FUT8: variants seen among roughly 807,000 people sequenced by gnomAD.
FUT8 encodes the protein alpha-(1,6)-fucosyltransferase.
In FUT8, 29 loss-of-function variants were observed where a neutral mutation model predicts 71.3. The ratio of observed to expected loss-of-function variants is 0.41; its 90% CI spans 0.30 to 0.55. The LOEUF is 0.55. FUT8 is among the 20% of genes least tolerant of loss of function. The probability of loss-of-function intolerance (pLI) is 0.34; values close to 1 mark genes in which losing one functional copy is unlikely to be tolerated. For missense variants in FUT8, 544 were observed against 702.1 expected, an observed-to-expected ratio of 0.77 and a Z score of 2.55; for synonymous variants, 254 against 239.3, an observed-to-expected ratio of 1.06 and a Z score of -0.57.
At chr14:65,428,717 A>G (rs185942751) in intron 1 of FUT8, among the ~76,000 whole-genome samples, 13 of 150,930 alleles carry the variant, frequency 8.6e-5, no homozygotes, top group Non-Finnish European at 1.8e-4. Context: ...CTGAGTTAAT[A>G]AAGATTTTTG....
At chr14:65,372,072 A>G in the FUT8 span, among the ~76,000 whole-genome samples, 1 of 152,182 alleles carries the variant, frequency 6.6e-6, no homozygotes, top group African/African-American at 2.4e-5. Context: ...CTTCTCTGGC[A>G]GTAGAAAACT....
intron 2 of FUT8, among the ~76,000 whole-genome samples, chr14:65,478,022 A>C (rs1272585177): frequency 6.6e-6 from 1 of 152,192 alleles, no homozygotes; most frequent in Non-Finnish European, 1.5e-5. Flanking sequence ...TCTAGCTTCT[A>C]GAACCAGGTC....
In FUT8 at chr14:65,473,534, G is replaced by A. The variant is rs546601391; in HGVS notation, c.-228+17816G>A. Among the ~76,000 whole-genome samples, 80 of 152,258 alleles carry A rather than the reference G, an allele frequency of 5.3e-4. No homozygotes were observed. In the South Asian group the frequency reaches 8.3e-3, roughly 16 times the overall value. On this transcript the variant is annotated intron_variant, in intron 2 of 10. Transcript: ENST00000673929. The stretch of plus-strand genomic sequence containing the variant: ...TTATTCCCAAAAATTGTAGTTTTGT[G>A]ACTAGGTGATAAAAATGATCTCCTA...
chr14:65,670,543 C>T (rs1892425477), intron 7 of FUT8, among the ~76,000 whole-genome samples: 1 of 152,080 alleles, frequency 6.6e-6, no homozygotes, highest in Non-Finnish European at 1.5e-5. Flanking sequence ...AGACAGTACA[C>T]ATCCTCTGCA....
At position 65,500,086 on chromosome 14, in the gene FUT8, C is replaced by T. The variant is rs1397591994; in HGVS notation, c.-228+44368C>T. 6.6e-5 allele frequency among the ~76,000 whole-genome samples: 10 copies of T among 152,152 alleles called. No homozygotes were observed. The South Asian group carries it at 1.5e-3, about 22-fold the overall frequency. ...TGGGATTGTGTAGGGATCATAATAA[C>T]ATGTAGATTCTTATTCAGTAGTTTT... On this transcript the variant is annotated intron_variant, in intron 2 of 10. Transcript: ENST00000673929.
At chr14:65,531,216 A>T (rs1276255418) in intron 2 of FUT8, among the ~76,000 whole-genome samples, 2 of 152,018 alleles carry the variant, frequency 1.3e-5, no homozygotes, top group Non-Finnish European at 2.9e-5. Context: ...TACTCACGAA[A>T]GATTTAAATT....
intron 2 of FUT8, among the ~76,000 whole-genome samples, chr14:65,459,055 C>T (rs2065936041): frequency 6.6e-6 from 1 of 152,114 alleles, no homozygotes; most frequent in Non-Finnish European, 1.5e-5. Flanking sequence ...TCCTGAAGTG[C>T]TGGGATTATA....
chr14:65,590,181 G>T (rs1594794677), intron 3 of FUT8, among the ~76,000 whole-genome samples: 2 of 151,952 alleles, frequency 1.3e-5, no homozygotes, highest in Middle Eastern at 3.4e-3. Flanking sequence ...TCATAACCTT[G>T]CACAAAATAA....
At chr14:65,709,517 A>G (rs778141281) in intron 7 of FUT8, among the ~76,000 whole-genome samples, 6 of 152,196 alleles carry the variant, frequency 3.9e-5, no homozygotes, top group African/African-American at 7.2e-5. Context: ...GTTCTCTAAC[A>G]CTGGATAATT....
At chr14:65,370,132 A>G in the FUT8 span, among the ~76,000 whole-genome samples, 1 of 149,208 alleles carries the variant, frequency 6.7e-6, no homozygotes, top group Admixed American at 6.7e-5. Flanking sequence ...TCTCCCATTA[A>G]AAAAAAAAAG....
intron 10 of FUT8, among the ~76,000 whole-genome samples, chr14:65,737,890 G>C (rs1313733024): frequency 6.6e-6 from 1 of 151,968 alleles, no homozygotes; most frequent in East Asian, 1.9e-4. Flanking sequence ...CTTTGAATCA[G>C]ATTTTGGAAG....
At chr14:65,512,991 C>T (rs1594721049) in intron 2 of FUT8, among the ~76,000 whole-genome samples, 1 of 151,626 alleles carries the variant, frequency 6.6e-6, no homozygotes, top group African/African-American at 2.4e-5. Context: ...TCTTTCTTTC[C>T]TTTAGAGCTA....
At chr14:65,523,596 A>C (rs1370766173) in intron 2 of FUT8, among the ~76,000 whole-genome samples, 2 of 152,134 alleles carry the variant, frequency 1.3e-5, no homozygotes, top group Non-Finnish European at 2.9e-5. Flanking sequence ...CCATTTGTCA[A>C]TTTTGGCTTT....
intron 2 of FUT8, among the ~76,000 whole-genome samples, chr14:65,481,840 A>G (rs1037986776): frequency 1.6e-4 from 25 of 152,020 alleles, no homozygotes; most frequent in African/African-American, 5.3e-4. Flanking sequence ...CTTATTATTG[A>G]GTTTTGAGAG....
intron 7 of FUT8, among the ~76,000 whole-genome samples, chr14:65,705,633 G>C (rs1189085142): frequency 2.6e-5 from 4 of 152,168 alleles, no homozygotes; most frequent in Admixed American, 2.0e-4. Context: ...AGTCTTTGTA[G>C]ATATAAATTA....
At chr14:65,708,435 T>C (rs1348206875) in intron 7 of FUT8, among the ~76,000 whole-genome samples, 1 of 152,240 alleles carries the variant, frequency 6.6e-6, no homozygotes, top group African/African-American at 2.4e-5. Context: ...ATACAGATAA[T>C]GTGGACATTT....
At chr14:65,528,370 G>A (rs550078846) in intron 2 of FUT8, among the ~76,000 whole-genome samples, 175 of 152,310 alleles carry the variant, frequency 1.1e-3, no homozygotes, top group African/African-American at 3.8e-3. Context: ...ATAATCTCCC[G>A]GTGTGCCATT....
At chr14:65,628,925 G>A (rs1457375860) in intron 5 of FUT8, among the ~76,000 whole-genome samples, 1 of 152,190 alleles carries the variant, frequency 6.6e-6, no homozygotes, top group Non-Finnish European at 1.5e-5. Flanking sequence ...GCAGCTTTCT[G>A]CTACAAAGGC....
At chr14:65,644,214 A>G (rs941916862) in intron 6 of FUT8, among the ~76,000 whole-genome samples, 1 of 152,162 alleles carries the variant, frequency 6.6e-6, no homozygotes, top group Non-Finnish European at 1.5e-5. Flanking sequence ...AACCTATTCA[A>G]CTTCTGGTGC....
Sources: gnomAD v4.1 joint callset for allele counts (sites outside exome capture counted in the v4.1 genomes callset) on GRCh38, gnomAD v4.1.1 for gene constraint, MANE v1.5 for transcripts, NCBI Gene and HGNC (gene_info 2026-07-23, HGNC 2026-07-21) for gene names.